GANC: variants seen among roughly 807,000 people sequenced by gnomAD.
GANC encodes the protein neutral alpha-glucosidase C.
Under a neutral mutation model 124.2 loss-of-function variants are expected in GANC, and 117 were observed. That is an observed-to-expected ratio of 0.94 (90% CI 0.81 to 1.10). GANC has a LOEUF of 1.10. GANC is among the 50% of genes least tolerant of loss of function. The pLI, the probability that GANC is intolerant of heterozygous loss-of-function variation, is 0.00. For missense variants in GANC, 1,140 were observed against 1,095.0 expected (o/e 1.04, Z -0.58); for synonymous variants, 377 against 376.8 (o/e 1.00, Z -0.01).
At chr15:42,285,590 T>C in intron 3 of GANC, among the ~76,000 whole-genome samples, 1 of 151,788 alleles carries the variant, frequency 6.6e-6, no homozygotes, top group South Asian at 2.1e-4. Flanking sequence ...AGGTCAGGAG[T>C]TTGAGACCAG....
At chr15:42,287,126 C>T (rs953596366) in intron 3 of GANC, among the ~76,000 whole-genome samples, 4 of 152,188 alleles carry the variant, frequency 2.6e-5, no homozygotes, top group Admixed American at 6.5e-5. Context: ...AAAAGTTCCC[C>T]GGGTCTATTT....
chr15:42,336,607 T>C (rs1344790043), intron 15 of GANC, among the ~76,000 whole-genome samples: 1 of 152,046 alleles, frequency 6.6e-6, no homozygotes, highest in Non-Finnish European at 1.5e-5. Flanking sequence ...CCAAAAACAA[T>C]TGGAACAAAA....
intron 16 of GANC, 76 bp downstream of exon 16, chr15:42,338,566 T>G (rs1595783348): frequency 9.9e-7 from 1 of 1,012,202 alleles, no homozygotes; most frequent in African/African-American, 1.6e-5. Context: ...TGGTTACAAA[T>G]CCCTTCTCAT....
chr15:42,273,252 C>G lies in GANC; in HGVS notation c.-1230C>G. The stretch of plus-strand genomic sequence containing the variant: ...TTCAGACGTTAGTGAAGTGAATACT[C>G]ACCGACGGTATCGGAATGTGCCATT... On this transcript the variant is annotated 5_prime_UTR_variant, in exon 1 of 24. Coordinates refer to ENST00000318010, the MANE Select transcript of GANC (RefSeq NM_198141.3). 6.2e-7 allele frequency: 1 copy of G among 1,614,102 alleles called. No homozygotes were observed. The highest frequency in any genetic ancestry group is 8.5e-7 in the Non-Finnish European group (1 of 1,180,026).
chr15:42,292,351 A>G (rs1223225731), intron 4 of GANC, among the ~76,000 whole-genome samples: 1 of 146,254 alleles, frequency 6.8e-6, no homozygotes, highest in African/African-American at 2.5e-5. Context: ...GATGATGACA[A>G]CGATGATAGC....
chr15:42,345,620 C>T, intron 19 of GANC, 138 bp from the exon 20 acceptor site: 1 of 592,626 alleles, frequency 1.7e-6, no homozygotes, highest in Non-Finnish European at 3.0e-6. Flanking sequence ...TAACTTCTAC[C>T]CAATATATTT....
chr15:42,325,491 A>T (rs1318772076), intron 11 of GANC, among the ~76,000 whole-genome samples: 2 of 152,108 alleles, frequency 1.3e-5, no homozygotes, highest in African/African-American at 4.8e-5. Flanking sequence ...ACTTTTCTCA[A>T]ATCTCCTTCC....
intron 19 of GANC, chr15:42,344,753 C>G (rs373634985): frequency 1.3e-5 from 2 of 152,192 alleles, no homozygotes; most frequent in African/African-American, 4.8e-5. Flanking sequence ...AGGTTAAATG[C>G]AACAACTGCT....
chr15:42,287,830 A>G lies in GANC; in HGVS notation c.329+12A>G. On this transcript the variant is annotated intron_variant, in intron 4 of 23. Coordinates refer to ENST00000318010, the MANE Select transcript of GANC (RefSeq NM_198141.3). ...CCAAGCACTGTAAGGTAAGCCAAGG[A>G]GCGAGGTATTTTAGAGACACGCTTG... 1.2e-6 allele frequency: 2 copies of G among 1,602,114 alleles called. No individual in the cohort carries two copies. The highest frequency in any genetic ancestry group is 1.1e-5 in the South Asian group (1 of 89,144).
intron 11 of GANC, among the ~76,000 whole-genome samples, chr15:42,324,326 G>A (rs145527873): frequency 3.5e-4 from 53 of 152,192 alleles, no homozygotes; most frequent in African/African-American, 8.7e-4. Context: ...TTTGTGCACC[G>A]TTGGTAGGAA....
chr15:42,343,124 A>G lies in GANC; in HGVS notation c.2199A>G (p.Thr733=). Residue 733 remains threonine (T), a synonymous_variant, in exon 19 of 24, where the codon ACA becomes ACG. Transcript: ENST00000318010. ...CAGTCACAGAACCAAAAGCCACCAC[A>G]GTTGATGTGTTTCTTCCAGGATCAA... The part of the protein sequence containing the change: ...VHPVTEPKAT[T]VDVFLPGSNE... 6.2e-7 allele frequency: 1 copy of G among 1,614,142 alleles called. No individual in the cohort carries two copies. Among genetic ancestry groups the G allele is most frequent in the Non-Finnish European group, 8.5e-7 (1 of 1,179,998 alleles).
chr15:42,352,201 A>G lies in GANC; in HGVS notation c.*62A>G. On this transcript the variant is annotated 3_prime_UTR_variant, in exon 24 of 24. Transcript: ENST00000318010. ...CCTGCCCCTTTCAACCTTTCCCCTCACCTTTTTTGAGATTTTTGCTGCAAT... is the reference window on the plus strand; with the variant it reads ...CCTGCCCCTTTCAACCTTTCCCCTCGCCTTTTTTGAGATTTTTGCTGCAAT... 2 of 1,587,704 alleles carry G rather than the reference A, an allele frequency of 1.3e-6. No individual in the cohort carries two copies. The highest frequency in any genetic ancestry group is 1.7e-6 in the Non-Finnish European group (2 of 1,165,268).
At chr15:42,327,308 T>C in intron 12 of GANC, 55 bp from the exon 13 acceptor site, 1 of 1,328,848 alleles carries the variant, frequency 7.5e-7, no homozygotes, top group East Asian at 2.4e-5. Context: ...TTACAATGCA[T>C]CCTACTGTGA....
intron 5 of GANC, among the ~76,000 whole-genome samples, chr15:42,295,761 C>A (rs867792563): frequency 6.6e-6 from 1 of 151,908 alleles, no homozygotes; most frequent in Non-Finnish European, 1.5e-5. Context: ...AGTCACTACT[C>A]CATCCTAACA....
chr15:42,307,555 A>G (rs1359976000), intron 7 of GANC, among the ~76,000 whole-genome samples: 2 of 152,184 alleles, frequency 1.3e-5, no homozygotes, highest in Non-Finnish European at 2.9e-5. Context: ...GCTCCTACAA[A>G]TAAGGACCAT....
At chr15:42,340,624 A>C in intron 17 of GANC, 66 bp from the exon 18 acceptor site, 3 of 1,261,278 alleles carry the variant, frequency 2.4e-6, no homozygotes, top group Non-Finnish European at 3.3e-6. Flanking sequence ...AAAACTAAAA[A>C]TATAAGTGAT....
At chr15:42,279,868 T>C (rs1253678915) in intron 3 of GANC, among the ~76,000 whole-genome samples, 1 of 152,202 alleles carries the variant, frequency 6.6e-6, no homozygotes, top group East Asian at 1.9e-4. Flanking sequence ...GTTCCTGCCC[T>C]GCAGCGCTGT....
intron 11 of GANC, among the ~76,000 whole-genome samples, chr15:42,323,130 T>C (rs2052174320): frequency 6.6e-6 from 1 of 152,192 alleles, no homozygotes; most frequent in Admixed American, 6.5e-5. Flanking sequence ...TGTTACCCCA[T>C]ATTTTAGATG....
intron 10 of GANC, among the ~76,000 whole-genome samples, chr15:42,320,996 T>C (rs971043944): frequency 8.5e-5 from 13 of 152,326 alleles, no homozygotes; most frequent in Non-Finnish European, 1.8e-4. Context: ...GCTTTCTTCC[T>C]TTTTTCTTCT....
Sources: gnomAD v4.1 joint callset for allele counts (sites outside exome capture counted in the v4.1 genomes callset) on GRCh38, gnomAD v4.1.1 for gene constraint, MANE v1.5 for transcripts, NCBI Gene and HGNC (gene_info 2026-07-23, HGNC 2026-07-21) for gene names.